The following PIGW variants were observed in gnomAD, a reference collection of about 807,000 sequenced individuals.
PIGW encodes phosphatidylinositol glycan anchor biosynthesis class W.
In PIGW, 23 loss-of-function variants were observed where a neutral mutation model predicts 34.0. That is an observed-to-expected ratio of 0.68 (90% CI 0.49 to 0.96). PIGW has a LOEUF of 0.96. PIGW is among the 40% of genes least tolerant of loss of function. PIGW has a pLI of 0.00. For missense variants in PIGW, 574 were observed against 586.3 expected (o/e 0.98, Z 0.22); for synonymous variants, 225 against 225.2 (o/e 1.00, Z 0.01).
rs1480857067 is a variant in PIGW at position 36,538,882 on chromosome 17, T to A, written c.*266T>A. On this transcript the variant is annotated 3_prime_UTR_variant, in exon 2 of 2. Coordinates refer to ENST00000614443, the MANE Select transcript of PIGW (RefSeq NM_001346754.2). ...AATTCTCCTGCCTCAGCCTCCTGAG[T>A]AGCTGGCACTGTAGGCATGTACCAC... 5 of 328,420 alleles carry A rather than the reference T, an allele frequency of 1.5e-5. No homozygotes were observed. The East Asian group carries it at 3.2e-4, about 21-fold the overall frequency. The allele number at this position is 328,420 out of a possible 1,614,324, so 20.3% of individuals were successfully genotyped here.
Position 36,537,196 on chromosome 17 carries a change from G to A in PIGW, c.95G>A (p.Cys32Tyr). The change falls in exon 2 of 2, where the codon TGT (cysteine) becomes TAT (tyrosine). Residue 32 changes from cysteine (C) to tyrosine (Y), a missense_variant. Coordinates refer to ENST00000614443, the MANE Select transcript of PIGW (RefSeq NM_001346754.2). ...ITQGLCFPAF[C>Y]ILCRGFLIIF... Reference sequence around the variant, plus strand: ...CAGGGATTGTGCTTTCCTGCATTCTGTATCCTGTGCAGAGGGTTCCTGATC... The same window carrying A: ...CAGGGATTGTGCTTTCCTGCATTCTATATCCTGTGCAGAGGGTTCCTGATC... The A allele has an allele frequency of 6.2e-7, 1 of 1,614,156 alleles. No individual in the cohort carries two copies. Among genetic ancestry groups the A allele is most frequent in the Non-Finnish European group, 8.5e-7 (1 of 1,179,996 alleles).
rs1185992151 is a variant in PIGW at position 36,535,591 on chromosome 17, G to C, written c.-10G>C. The C allele has an allele frequency of 6.6e-6, 1 of 152,278 alleles. No homozygotes were observed. Among genetic ancestry groups the C allele is most frequent in the East Asian group, 1.9e-4 (1 of 5,198 alleles). 9.4% of individuals were successfully genotyped at this position (152,278 alleles called of 1,614,324 possible). ...CTGCTGGGGGCGCCGGCACCATTTG[G>C]AGTACGTGAGGTATACGGGTAGGGC... On this transcript the variant is annotated splice_region_variant and 5_prime_UTR_variant, in exon 1 of 2. Transcript: ENST00000614443.
Position 36,537,395 on chromosome 17 carries a change from C to T in PIGW, c.294C>T (p.Tyr98=), listed in dbSNP as rs1358004820. ...IFGAGLLYQI[Y]RRRTCYARLP... Reference sequence around the variant, plus strand: ...GGGCAGGGCTGTTGTATCAAATATACCGAAGGAGGACCTGCTATGCCAGAC... The same window carrying T: ...GGGCAGGGCTGTTGTATCAAATATATCGAAGGAGGACCTGCTATGCCAGAC... The change falls in exon 2 of 2, where the codon TAC becomes TAT. Residue 98 remains tyrosine (Y), a synonymous_variant. Coordinates refer to ENST00000614443, the MANE Select transcript of PIGW (RefSeq NM_001346754.2). 6.2e-7 allele frequency: 1 copy of T among 1,614,016 alleles called. No homozygotes were observed. Among genetic ancestry groups the T allele is most frequent in the Non-Finnish European group, 8.5e-7 (1 of 1,180,024 alleles).
chr17:36,538,847 G>A lies in PIGW; in HGVS notation c.*231G>A, dbSNP rs1251848888. 6 of 410,602 alleles carry A rather than the reference G, an allele frequency of 1.5e-5. No homozygotes were observed. The highest frequency in any genetic ancestry group is 2.2e-5 in the Non-Finnish European group (5 of 223,908). 25.4% of individuals were successfully genotyped at this position (410,602 alleles called of 1,614,324 possible). A position where few individuals can be genotyped will look rare whatever the true frequency, so the allele number is the denominator to read the frequency against. The stretch of plus-strand genomic sequence containing the variant: ...CAGCTCACTGCAACCTCCACCTCCC[G>A]GGTTCAAGCAATTCTCCTGCCTCAG... On this transcript the variant is annotated 3_prime_UTR_variant, in exon 2 of 2. Transcript: ENST00000614443.
chr17:36,536,199 C>T (rs528430705), intron 1 of PIGW, among the ~76,000 whole-genome samples: 2 of 152,288 alleles, frequency 1.3e-5, no homozygotes, highest in East Asian at 3.9e-4. Flanking sequence ...GTACCTACTT[C>T]CATCCTAACC....
In PIGW at chr17:36,535,447, C is replaced by CCCGGAAGTGCCAGCTGCCTGCGTCGG. The variant is rs1325567525; in HGVS notation, c.-142_-117dup. ...GGCGGAGACGCGCGGAATCGGCCGG[C>CCCGGAAGTGCCAGCTGCCTGCGTCGG]CCGGAAGTGCCAGCTGCCTGCGTCG... On this transcript the variant is annotated 5_prime_UTR_variant, in exon 1 of 2. An upstream open reading frame in the 5' UTR gains an earlier in-frame stop. Transcript: ENST00000614443. 3 of 152,398 alleles carry CCCGGAAGTGCCAGCTGCCTGCGTCGG rather than the reference C, an allele frequency of 2.0e-5. No individual in the cohort carries two copies. Among genetic ancestry groups the CCCGGAAGTGCCAGCTGCCTGCGTCGG allele is most frequent in the Admixed American group, 2.0e-4 (3 of 15,306 alleles). The allele number at this position is 152,398 out of a possible 1,614,324, so 9.4% of individuals were successfully genotyped here. A position where few individuals can be genotyped will look rare whatever the true frequency, so the allele number is the denominator to read the frequency against.
intron 1 of PIGW, among the ~76,000 whole-genome samples, chr17:36,536,266 CT>C (rs1466585737): frequency 7.2e-5 from 11 of 152,168 alleles, no homozygotes; most frequent in Admixed American, 2.6e-4. Context: ...CCAGAAATCA[CT>C]GCAGGGGTCA....
rs2074182809 is a variant in PIGW at position 36,539,279 on chromosome 17, G to A, written c.*663G>A. On this transcript the variant is annotated 3_prime_UTR_variant, in exon 2 of 2. Transcript: ENST00000614443. ...TTTTACAATAAATATAAAATGAAAT[G>A]TTTATGTTGACATTTCAGTGTGAAC... 1 of 166,946 alleles carries A rather than the reference G, an allele frequency of 6.0e-6. No individual in the cohort carries two copies. The highest frequency in any genetic ancestry group is 1.5e-5 in the Non-Finnish European group (1 of 68,098). The allele number at this position is 166,946 out of a possible 1,614,324, so 10.3% of individuals were successfully genotyped here. A position where few individuals can be genotyped will look rare whatever the true frequency, so the allele number is the denominator to read the frequency against.
chr17:36,538,612 G>C lies in PIGW; in HGVS notation c.1511G>C (p.Trp504Ser). ...LYLQDKTVQF[W>S] is the part of the protein sequence containing the mutation. ...TTGCAAGATAAGACTGTACAATTTT[G>C]GTGATCAGCAGGAGTAGGATATATA... Residue 504 changes from tryptophan to serine, a missense_variant, in exon 2 of 2, where the codon TGG becomes TCG. Trp to Ser is a radical substitution (Grantham distance 177). Coordinates refer to ENST00000614443, the MANE Select transcript of PIGW (RefSeq NM_001346754.2). The C allele has an allele frequency of 6.3e-7, 1 of 1,589,442 alleles. No individual in the cohort carries two copies. The highest frequency in any genetic ancestry group is 2.2e-5 in the East Asian group (1 of 44,604).
chr17:36,535,628 G>C (rs1290412163), intron 1 of PIGW, 36 bp downstream of exon 1: 1 of 152,240 alleles, frequency 6.6e-6, no homozygotes, highest in Non-Finnish European at 1.5e-5. Context: ...CGGCCAGGTC[G>C]GGCGTCTGTT....
chr17:36,537,889 T>C lies in PIGW; in HGVS notation c.788T>C (p.Ile263Thr), dbSNP rs770939404. 6.2e-7 allele frequency: 1 copy of C among 1,614,148 alleles called. No individual in the cohort carries two copies. Among genetic ancestry groups the C allele is most frequent in the Non-Finnish European group, 8.5e-7 (1 of 1,180,012 alleles). The stretch of plus-strand genomic sequence containing the variant: ...ATTTTTCCCCTAAATAAGTCCTGGA[T>C]TATTGCCCTCGGCATTACTGTATTA... ...LIIFPLNKSW[I>T]IALGITVLYQ... Residue 263 changes from isoleucine (I) to threonine (T), a missense_variant, in exon 2 of 2, where the codon ATT becomes ACT. Ile to Thr is a moderately conservative substitution (Grantham distance 89, BLOSUM62 -1). Transcript: ENST00000614443.
rs764733103 is a variant in PIGW, at chr17:36,537,824, C to T, written c.723C>T (p.Thr241=). ...EYGVHWNFFF[T]IIVVKLITPL... Reference sequence around the variant, plus strand: ...GAGTTCACTGGAACTTTTTCTTTACCATAATAGTTGTGAAATTGATAACAC... The same window carrying T: ...GAGTTCACTGGAACTTTTTCTTTACTATAATAGTTGTGAAATTGATAACAC... Residue 241 remains threonine (T), a synonymous_variant, in exon 2 of 2, where the codon ACC becomes ACT. Transcript: ENST00000614443. The T allele has an allele frequency of 2.7e-5, 44 of 1,613,870 alleles. No homozygotes were observed. Among genetic ancestry groups the T allele is most frequent in the African/African-American group, 4.0e-5 (3 of 74,880 alleles).
Position 36,538,776 on chromosome 17 carries a change from C to G in PIGW, c.*160C>G. ...TGCTTAATTATTTTTTTTTTTGAGACAGAGTCTTGCTCTGTTACCCAGGCT... is the reference window on the plus strand; with the variant it reads ...TGCTTAATTATTTTTTTTTTTGAGAGAGAGTCTTGCTCTGTTACCCAGGCT... On this transcript the variant is annotated 3_prime_UTR_variant, in exon 2 of 2. Coordinates refer to ENST00000614443, the MANE Select transcript of PIGW (RefSeq NM_001346754.2). 1 of 668,854 alleles carries G rather than the reference C, an allele frequency of 1.5e-6. No homozygotes were observed. Among genetic ancestry groups the G allele is most frequent in the Non-Finnish European group, 2.5e-6 (1 of 404,154 alleles). The allele number at this position is 668,854 out of a possible 1,614,324, so 41.4% of individuals were successfully genotyped here. A position where few individuals can be genotyped will look rare whatever the true frequency, so the allele number is the denominator to read the frequency against.
chr17:36,537,056 CTTTTCACAAATCCATTCCTTTGCTCTTG>C lies in PIGW; in HGVS notation c.-8-29_-8-2del. 6.6e-7 allele frequency: 1 copy of C among 1,503,956 alleles called. No individual in the cohort carries two copies. The highest frequency in any genetic ancestry group is 9.0e-7 in the Non-Finnish European group (1 of 1,114,960). The allele number at this position is 1,503,956 out of a possible 1,614,324, so 93.2% of individuals were successfully genotyped here. A position where few individuals can be genotyped will look rare whatever the true frequency, so the allele number is the denominator to read the frequency against. ...GTATGCTAATTACACAAGAATGCTGCTTTTCACAAATCCATTCCTTTGCTCTTGTTTTCACAGGAAGAAAAATGTCTGA... is the reference window on the plus strand; with the variant it reads ...GTATGCTAATTACACAAGAATGCTGCTTTTCACAGGAAGAAAAATGTCTGA... On this transcript the variant is annotated splice_polypyrimidine_tract_variant and intron_variant, in intron 1 of 1. Transcript: ENST00000614443.
In PIGW at chr17:36,537,592, C is replaced by T. The variant is rs543242274; in HGVS notation, c.491C>T (p.Thr164Ile). The T allele has an allele frequency of 3.5e-5, 57 of 1,614,138 alleles. No homozygotes were observed. The South Asian group carries it at 6.0e-4, about 17-fold the overall frequency. Residue 164 changes from threonine to isoleucine, a missense_variant, in exon 2 of 2, where the codon ACA (threonine) becomes ATA (isoleucine). Physicochemically the swap from Thr to Ile is moderately conservative, Grantham distance 89. Coordinates refer to ENST00000614443, the MANE Select transcript of PIGW (RefSeq NM_001346754.2). Reference sequence around the variant, plus strand: ...TTTGCCAAAACTGAGCTCTATGGGACAGGAGCAATGGATTTTGGAGTAGGT... The same window carrying T: ...TTTGCCAAAACTGAGCTCTATGGGATAGGAGCAATGGATTTTGGAGTAGGT... The part of the protein sequence containing the change: ...RRFAKTELYG[T>I]GAMDFGVGGF...
At position 36,538,387 on chromosome 17, in the gene PIGW, C is replaced by T. The variant is rs751994004; in HGVS notation, c.1286C>T (p.Pro429Leu). 8.7e-6 allele frequency: 14 copies of T among 1,613,986 alleles called. No homozygotes were observed. Among genetic ancestry groups the T allele is most frequent in the Admixed American group, 1.7e-5 (1 of 59,992 alleles). ...TNKKHSESLV[P>L]EAERMEPSLC... ...AAAAAGCATTCAGAATCTCTAGTCC[C>T]TGAAGCCGAAAGAATGGAACCCAGT... is the stretch of plus-strand genomic sequence containing the variant. Residue 429 changes from proline to leucine, a missense_variant, in exon 2 of 2, where the codon CCT (proline) becomes CTT (leucine). Physicochemically the swap from Pro to Leu is moderately conservative, Grantham distance 98. Transcript: ENST00000614443.
chr17:36,537,925 C>A lies in PIGW; in HGVS notation c.824C>A (p.Ala275Asp). The A allele has an allele frequency of 6.2e-7, 1 of 1,614,046 alleles. No individual in the cohort carries two copies. Among genetic ancestry groups the A allele is most frequent in the Non-Finnish European group, 8.5e-7 (1 of 1,180,006 alleles). Reference sequence around the variant, plus strand: ...GGCATTACTGTATTATACCAGCTAGCCCTTGACTTTACCTCACTGAAGAGG... The same window carrying A: ...GGCATTACTGTATTATACCAGCTAGACCTTGACTTTACCTCACTGAAGAGG... ...ALGITVLYQL[A>D]LDFTSLKRLI... The change falls in exon 2 of 2, where the codon GCC becomes GAC. Residue 275 changes from alanine (A) to aspartate (D), a missense_variant. Physicochemically the swap from Ala to Asp is moderately radical, Grantham distance 126. Transcript: ENST00000614443.
rs753213838 is a variant in PIGW at position 36,537,962 on chromosome 17, TG to T, written c.863del (p.Gly288AlafsTer12). On this transcript the variant is annotated frameshift_variant, in exon 2 of 2. Coordinates refer to ENST00000614443, the MANE Select transcript of PIGW (RefSeq NM_001346754.2). LOFTEE classifies it high-confidence loss of function. ...FTSLKRLILYGTDGSGTRVGL... is the reference protein window; with the variant it reads ...FTSLKRLILYXTDGSGTRVGL... Reference sequence around the variant, plus strand: ...CCTCACTGAAGAGGTTAATATTATATGGCACTGATGGTAGTGGCACACGGGT... The same window carrying T: ...CCTCACTGAAGAGGTTAATATTATATGCACTGATGGTAGTGGCACACGGGT... The T allele has an allele frequency of 6.2e-7, 1 of 1,614,054 alleles. No individual in the cohort carries two copies. Among genetic ancestry groups the T allele is most frequent in the African/African-American group, 1.3e-5 (1 of 75,038 alleles).
rs1203780630 is a variant in PIGW at position 36,538,211 on chromosome 17, T to C, written c.1110T>C (p.Asn370=). 1 of 1,613,232 alleles carries C rather than the reference T, an allele frequency of 6.2e-7. No homozygotes were observed. The highest frequency in any genetic ancestry group is 1.7e-5 in the Admixed American group (1 of 60,026). The change falls in exon 2 of 2, where the codon AAT becomes AAC. Residue 370 remains asparagine (N), a synonymous_variant. Coordinates refer to ENST00000614443, the MANE Select transcript of PIGW (RefSeq NM_001346754.2). The stretch of plus-strand genomic sequence containing the variant: ...AAGCAGTATCTCGAAGAATGGCAAA[T>C]TTAGCCTTTTGTATTTGGATAGTTG... ...NVEAVSRRMA[N]LAFCIWIVAS...
Sources: allele counts gnomAD v4.1 joint callset (sites outside exome capture counted in the v4.1 genomes callset), GRCh38; gene constraint gnomAD v4.1.1; transcripts MANE v1.5; gene names NCBI Gene and HGNC (gene_info 2026-07-23, HGNC 2026-07-21).